The following LOXHD1 variants were observed in gnomAD, a reference collection of about 807,000 sequenced individuals.
LOXHD1 encodes the protein lipoxygenase homology PLAT domains 1, also known as lipoxygenase homology domain-containing protein 1.
A neutral mutation model predicts 248.2 loss-of-function variants in LOXHD1; 205 were observed. That is an observed-to-expected ratio of 0.83 (90% CI 0.74 to 0.93). The LOEUF (loss-of-function observed/expected upper bound fraction) is 0.93, where lower values mean the gene tolerates loss of function less well. Ranked by LOEUF, LOXHD1 falls within the 40% of genes least tolerant of loss-of-function variation. The pLI, the probability that LOXHD1 is intolerant of heterozygous loss-of-function variation, is 0.00. For missense variants in LOXHD1, 2,930 were observed against 2,971.6 expected (o/e 0.99, Z 0.33); for synonymous variants, 1,113 against 1,162.8 (o/e 0.96, Z 0.87).
chr18:46,624,750 G>A (rs544049), intron 4 of LOXHD1, among the ~76,000 whole-genome samples: 22,564 of 152,056 alleles, frequency 0.15, 1,885 homozygotes, highest in African/African-American at 0.24. Context: ...GCACTGGGAC[G>A]ATGGATGACA....
intron 1 of LOXHD1, among the ~76,000 whole-genome samples, chr18:46,656,525 C>T (rs1178878742): frequency 6.6e-6 from 1 of 152,214 alleles, no homozygotes; most frequent in East Asian, 1.9e-4. Context: ...CCAAGACATC[C>T]TTTCATGACC....
chr18:46,531,417 T>G (rs1221441996), intron 28 of LOXHD1, among the ~76,000 whole-genome samples: 1 of 152,106 alleles, frequency 6.6e-6, no homozygotes, highest in East Asian at 1.9e-4. Context: ...CCCCCTCATT[T>G]TCCCCCTCAT....
rs139056960 is a variant in LOXHD1, at chr18:46,637,724, A to G, written c.511+1892T>C. On this transcript the variant is annotated intron_variant, in intron 4 of 40. Coordinates refer to ENST00000642948, the MANE Select transcript of LOXHD1 (RefSeq NM_001384474.1). ...GAAAGGACATCAAAAATCCCCTTTAATTATCCAACTGGATAATCAAACAAT... is the reference window on the plus strand; with the variant it reads ...GAAAGGACATCAAAAATCCCCTTTAGTTATCCAACTGGATAATCAAACAAT... Among the ~76,000 whole-genome samples the G allele has an allele frequency of 9.2e-3, 1,398 of 152,264 alleles. 22 individuals are homozygous for G. The highest frequency in any genetic ancestry group is 0.03 in the African/African-American group (1,262 of 41,538).
chr18:46,630,450 A>C (rs182949798), intron 4 of LOXHD1, among the ~76,000 whole-genome samples: 354 of 152,354 alleles, frequency 2.3e-3, no homozygotes, highest in Non-Finnish European at 4.0e-3. Context: ...GCCAGGCAGG[A>C]TCTGCCTTAA....
chr18:46,525,875 A>G (rs1306393647), intron 29 of LOXHD1, among the ~76,000 whole-genome samples: 1 of 152,130 alleles, frequency 6.6e-6, no homozygotes, highest in African/African-American at 2.4e-5. Flanking sequence ...CAGCAAGAGG[A>G]GGGGATGGGT....
At chr18:46,541,259 G>A (rs1380968340) in intron 25 of LOXHD1, among the ~76,000 whole-genome samples, 3 of 151,962 alleles carry the variant, frequency 2.0e-5, no homozygotes, top group Non-Finnish European at 4.4e-5. Context: ...TGAATTCTGG[G>A]TCTAGCAGGG....
intron 12 of LOXHD1, among the ~76,000 whole-genome samples, chr18:46,591,092 A>G (rs1288718803): frequency 6.6e-6 from 1 of 152,230 alleles, no homozygotes; most frequent in Non-Finnish European, 1.5e-5. Flanking sequence ...TATAAATATC[A>G]CACAATCACC....
At chr18:46,529,149 G>A (rs985129252) in intron 29 of LOXHD1, 28 bp downstream of exon 29, 14 of 1,551,126 alleles carry the variant, frequency 9.0e-6, no homozygotes, top group Admixed American at 7.8e-5. Flanking sequence ...AGGAGGGAAG[G>A]AGGGTAAACT....
At chr18:46,574,408 C>T (rs781537826) in intron 14 of LOXHD1, among the ~76,000 whole-genome samples, 107 of 150,890 alleles carry the variant, frequency 7.1e-4, no homozygotes, top group Middle Eastern at 3.2e-3. Flanking sequence ...CACACACACA[C>T]ACACACACAC....
chr18:46,555,603 C>A (rs2037294100), intron 21 of LOXHD1, among the ~76,000 whole-genome samples: 1 of 152,110 alleles, frequency 6.6e-6, no homozygotes, highest in Admixed American at 6.6e-5. Flanking sequence ...GATAGGGTGC[C>A]CATTACATTC....
intron 21 of LOXHD1, chr18:46,555,167 G>C (rs1451322151): frequency 2.1e-6 from 1 of 470,976 alleles, no homozygotes. Flanking sequence ...TTCACAGTTT[G>C]TCCCCAGCCT....
Position 46,522,184 on chromosome 18 carries a change from G to A in LOXHD1, c.5002C>T (p.Arg1668Ter), listed in dbSNP as rs961865375. 6.6e-5 allele frequency: 103 copies of A among 1,551,552 alleles called. No individual in the cohort carries two copies. Among genetic ancestry groups the A allele is most frequent in the Admixed American group, 1.4e-4 (7 of 50,984 alleles). The change falls in exon 32 of 41, where the codon CGA becomes TGA. Residue 1668 changes from arginine (R) to a stop codon, truncating the protein, a stop_gained. Coordinates refer to ENST00000642948, the MANE Select transcript of LOXHD1 (RefSeq NM_001384474.1). LOFTEE classifies it high-confidence loss of function. ...RSKRIWLDYP[R>*]GKRGFSRGSV... is the part of the protein sequence containing the mutation. ...CCACGGCTGAAGCCCCTCTTCCCTCGGGGGTAGTCCAACCAGATGCGCTTA... is the reference window on the plus strand; with the variant it reads ...CCACGGCTGAAGCCCCTCTTCCCTCAGGGGTAGTCCAACCAGATGCGCTTA...
chr18:46,551,383 A>G (rs992262592), intron 21 of LOXHD1, among the ~76,000 whole-genome samples: 6 of 152,100 alleles, frequency 3.9e-5, no homozygotes, highest in South Asian at 2.1e-4. Context: ...GATTATAGGC[A>G]TGAGCCACCA....
chr18:46,601,926 T>C (rs2038346385), intron 7 of LOXHD1, among the ~76,000 whole-genome samples: 1 of 152,222 alleles, frequency 6.6e-6, no homozygotes, highest in Non-Finnish European at 1.5e-5. Context: ...CTTTTGCTGA[T>C]AACTTAAAAA....
rs1432593787 is a variant in LOXHD1 at position 46,594,435 on chromosome 18, T to C, written c.1166A>G (p.Gln389Arg). Reference protein sequence around the residue: ...VVILCPFTGIQQTFPCSNWLD... With the variant: ...VVILCPFTGIRQTFPCSNWLD... ...CCAGTTGCTACAAGGGAAGGTCTGCTGGATACCAGTGAAGGGGCACAGAAT... is the reference window on the plus strand; with the variant it reads ...CCAGTTGCTACAAGGGAAGGTCTGCCGGATACCAGTGAAGGGGCACAGAAT... Residue 389 changes from glutamine (Q) to arginine (R), a missense_variant, in exon 9 of 41, where the codon CAG (glutamine) becomes CGG (arginine). Coordinates refer to ENST00000642948, the MANE Select transcript of LOXHD1 (RefSeq NM_001384474.1). The C allele has an allele frequency of 6.4e-7, 1 of 1,551,648 alleles. No individual in the cohort carries two copies. The highest frequency in any genetic ancestry group is 2.4e-5 in the East Asian group (1 of 40,912).
chr18:46,524,400 C>G, intron 31 of LOXHD1, 66 bp downstream of exon 31: 2 of 1,520,714 alleles, frequency 1.3e-6, no homozygotes, highest in Non-Finnish European at 1.8e-6. Context: ...ATGGCTCATC[C>G]AAGAATTGCT....
chr18:46,609,776 G>C (rs2038476818), intron 6 of LOXHD1, among the ~76,000 whole-genome samples: 1 of 152,090 alleles, frequency 6.6e-6, no homozygotes, highest in Non-Finnish European at 1.5e-5. Flanking sequence ...TTTTCCGCTA[G>C]AGGTTTAAAA....
intron 33 of LOXHD1, chr18:46,518,931 A>G (rs1167454050): frequency 1.0e-6 from 1 of 985,382 alleles, no homozygotes; most frequent in East Asian, 1.1e-4. Context: ...CCCTAGTTCC[A>G]TGATGTTCAC....
At chr18:46,511,981 T>C (rs943206060) in intron 34 of LOXHD1, among the ~76,000 whole-genome samples, 1 of 152,218 alleles carries the variant, frequency 6.6e-6, no homozygotes, top group Non-Finnish European at 1.5e-5. Context: ...ACCCCCATCT[T>C]GCCTTTAGCC....
Sources: gnomAD v4.1 joint callset for allele counts (sites outside exome capture counted in the v4.1 genomes callset) on GRCh38, gnomAD v4.1.1 for gene constraint, MANE v1.5 for transcripts, NCBI Gene and HGNC (gene_info 2026-07-23, HGNC 2026-07-21) for gene names.